The following CDK15 variants were observed in gnomAD, a reference collection of about 807,000 sequenced individuals.
CDK15 encodes the protein cyclin dependent kinase 15.
In CDK15, 62 loss-of-function variants were observed where a neutral mutation model predicts 60.3. That is an observed-to-expected ratio of 1.03 (90% CI 0.84 to 1.27). The LOEUF is 1.27. Among genes scored for constraint, CDK15 ranks in the 50% most tolerant of loss-of-function variants. The pLI, the probability that CDK15 is intolerant of heterozygous loss-of-function variation, is 0.00. For missense variants in CDK15, 541 were observed against 527.8 expected (o/e 1.03, Z -0.25); for synonymous variants, 194 against 195.7 (o/e 0.99, Z 0.07).
intron 12 of CDK15, among the ~76,000 whole-genome samples, chr2:201,884,719 T>C (rs1413191058): frequency 6.6e-6 from 1 of 152,238 alleles, no homozygotes; most frequent in African/African-American, 2.4e-5. Flanking sequence ...GTTCCAATTA[T>C]TTTGCTTATC....
chr2:201,825,711 A>G (rs796254130), intron 6 of CDK15, among the ~76,000 whole-genome samples: 6 of 152,296 alleles, frequency 3.9e-5, no homozygotes, highest in African/African-American at 1.4e-4. Context: ...AGTTGGATTG[A>G]GTCAGAGTTG....
intron 8 of CDK15, among the ~76,000 whole-genome samples, chr2:201,840,789 T>C (rs1052026513): frequency 1.3e-5 from 2 of 152,210 alleles, no homozygotes; most frequent in African/African-American, 4.8e-5. Flanking sequence ...TGATCTCATT[T>C]TCTCTGGATG....
intron 13 of CDK15, among the ~76,000 whole-genome samples, chr2:201,892,501 G>A (rs1233349199): frequency 6.6e-6 from 1 of 152,172 alleles, no homozygotes; most frequent in Non-Finnish European, 1.5e-5. Flanking sequence ...GACATAAATT[G>A]GTCACAATAG....
At chr2:201,866,171 G>A (rs1397153849) in intron 10 of CDK15, among the ~76,000 whole-genome samples, 5 of 152,008 alleles carry the variant, frequency 3.3e-5, no homozygotes, top group Admixed American at 3.3e-4. Flanking sequence ...TAAATATACG[G>A]TATCTCAAGA....
intron 4 of CDK15, 29 bp downstream of exon 4, chr2:201,812,591 A>G (rs773019632): frequency 4.0e-6 from 6 of 1,509,722 alleles, no homozygotes; most frequent in Non-Finnish European, 5.5e-6. Flanking sequence ...GACCCAATAG[A>G]TCTGTTTTGA....
At chr2:201,870,128 G>A (rs1172372526) in intron 10 of CDK15, among the ~76,000 whole-genome samples, 1 of 152,070 alleles carries the variant, frequency 6.6e-6, no homozygotes, top group East Asian at 1.9e-4. Context: ...ACAACTCTTA[G>A]CACTATGAAT....
intron 8 of CDK15, among the ~76,000 whole-genome samples, chr2:201,843,429 G>T (rs1011817377): frequency 3.3e-5 from 5 of 152,010 alleles, no homozygotes; most frequent in Admixed American, 6.6e-5. Context: ...TGATCTGCCC[G>T]CCTCGGCCTC....
intron 9 of CDK15, among the ~76,000 whole-genome samples, chr2:201,850,455 A>T (rs10171801): frequency 0.075 from 11,389 of 152,150 alleles, 623 homozygotes; most frequent in East Asian, 0.22. Context: ...TGGGCTAGGT[A>T]CTATGCTGGA....
At chr2:201,879,527 A>G (rs1699197227) in intron 11 of CDK15, among the ~76,000 whole-genome samples, 2 of 152,088 alleles carry the variant, frequency 1.3e-5, no homozygotes, top group African/African-American at 4.8e-5. Flanking sequence ...TTACAGGTGC[A>G]TGCCACCACG....
chr2:201,889,610 T>C (rs1699572895), intron 12 of CDK15, among the ~76,000 whole-genome samples: 1 of 152,206 alleles, frequency 6.6e-6, no homozygotes, highest in Non-Finnish European at 1.5e-5. Context: ...TAGCAAGCAC[T>C]TAACAAACAC....
At chr2:201,865,910 A>G (rs963401659) in intron 10 of CDK15, among the ~76,000 whole-genome samples, 7 of 149,260 alleles carry the variant, frequency 4.7e-5, no homozygotes, top group Admixed American at 4.7e-4. Flanking sequence ...AAAAAAAAAA[A>G]AAAAAAAAAG....
chr2:201,818,598 T>C (rs1438359621), intron 4 of CDK15, among the ~76,000 whole-genome samples: 1 of 152,192 alleles, frequency 6.6e-6, no homozygotes, highest in East Asian at 1.9e-4. Context: ...CAGATCCCTC[T>C]GGTGGATGGA....
At position 201,877,501 on chromosome 2, in the gene CDK15, A is replaced by G. The variant is rs1022845312; in HGVS notation, c.1059-2527A>G. On this transcript the variant is annotated intron_variant, in intron 11 of 13. Transcript: ENST00000652192. Reference sequence around the variant, plus strand: ...GGATTCAGGGCCAAATTTTGGCACAAACTTCACCTCACTACCCAATAGTGT... The same window carrying G: ...GGATTCAGGGCCAAATTTTGGCACAGACTTCACCTCACTACCCAATAGTGT... Among the ~76,000 whole-genome samples, 4 of 152,186 alleles carry G rather than the reference A, an allele frequency of 2.6e-5. No individual in the cohort carries two copies. In the South Asian group the frequency reaches 8.3e-4, roughly 31 times the overall value.
chr2:201,884,058 C>G (rs1699373208), intron 12 of CDK15, among the ~76,000 whole-genome samples: 1 of 152,216 alleles, frequency 6.6e-6, no homozygotes, highest in African/African-American at 2.4e-5. Context: ...GATTTTGGAA[C>G]CTAGCCATTT....
chr2:201,879,230 T>C (rs1240803037), intron 11 of CDK15, among the ~76,000 whole-genome samples: 2 of 152,250 alleles, frequency 1.3e-5, no homozygotes, highest in African/African-American at 4.8e-5. Context: ...GCTTCCTAAC[T>C]AATAAGACTG....
Position 201,854,879 on chromosome 2 carries a change from G to A in CDK15, c.951G>A (p.Leu317=). 1 of 1,613,960 alleles carries A rather than the reference G, an allele frequency of 6.2e-7. No individual in the cohort carries two copies. Among genetic ancestry groups the A allele is most frequent in the Non-Finnish European group, 8.5e-7 (1 of 1,179,906 alleles). The part of the protein sequence containing the change: ...LEQLEKIWEV[L]GVPTEDTWPG... ...CTTTGTTTGGCTTTATATAGGTGCT[G>A]GGAGTCCCTACAGAGGATACTTGGC... The change falls in exon 10 of 14, where the codon CTG becomes CTA. Residue 317 remains leucine, a synonymous_variant. Transcript: ENST00000652192.
At chr2:201,869,357 C>T (rs1698765911) in intron 10 of CDK15, among the ~76,000 whole-genome samples, 1 of 147,704 alleles carries the variant, frequency 6.8e-6, no homozygotes, top group Admixed American at 6.8e-5. Context: ...GGGCGGGGAA[C>T]ATCACACACC....
At chr2:201,842,158 C>T (rs140736606) in intron 8 of CDK15, among the ~76,000 whole-genome samples, 8 of 152,296 alleles carry the variant, frequency 5.3e-5, no homozygotes, top group African/African-American at 1.9e-4. Context: ...ACCCCCTCTC[C>T]TCAGTCCCTG....
In CDK15 at chr2:201,816,933, C is replaced by A. The variant is rs548746464; in HGVS notation, c.448+4371C>A. Among the ~76,000 whole-genome samples, 3 of 152,292 alleles carry A rather than the reference C, an allele frequency of 2.0e-5. No individual in the cohort carries two copies. The South Asian group carries it at 6.2e-4, about 32-fold the overall frequency. ...TTCCTAAAACTTTCTGCATAAACTG[C>A]CCCTTAATTTGCATATAACTAAAAG... On this transcript the variant is annotated intron_variant, in intron 4 of 13. Coordinates refer to ENST00000652192, the MANE Select transcript of CDK15 (RefSeq NM_001366386.2).
Sources: gnomAD v4.1 joint callset for allele counts (sites outside exome capture counted in the v4.1 genomes callset) on GRCh38, gnomAD v4.1.1 for gene constraint, MANE v1.5 for transcripts, NCBI Gene and HGNC (gene_info 2026-07-23, HGNC 2026-07-21) for gene names.